CCDC13: variants seen among roughly 807,000 people sequenced by gnomAD.
CCDC13 encodes the protein coiled-coil domain-containing protein 13.
CCDC13 carries 70 observed loss-of-function variants against 87.3 expected under a neutral mutation model. The ratio of observed to expected loss-of-function variants is 0.80; its 90% CI spans 0.66 to 0.98. The LOEUF (loss-of-function observed/expected upper bound fraction) is 0.98, where lower values mean the gene tolerates loss of function less well. Among genes scored for constraint, CCDC13 ranks in the 50% least tolerant of loss-of-function variants. The probability of loss-of-function intolerance (pLI) is 0.00; values close to 1 mark genes in which losing one functional copy is unlikely to be tolerated. For synonymous variants in CCDC13, 317 were observed against 360.3 expected (o/e 0.88, Z 1.36); for missense variants, 842 against 892.0 (o/e 0.94, Z 0.71).
intron 9 of CCDC13, among the ~76,000 whole-genome samples, chr3:42,738,463 T>C (rs1378127786): frequency 6.6e-6 from 1 of 152,242 alleles, no homozygotes; most frequent in African/African-American, 2.4e-5. Context: ...CATTGGTAGC[T>C]TGATGGGGAT....
At chr3:42,746,353 C>T (rs1361431747) in intron 6 of CCDC13, 4 of 291,838 alleles carry the variant, frequency 1.4e-5, no homozygotes, top group African/African-American at 8.5e-5. Context: ...TTCCTTAACC[C>T]ACTCACCTGT....
intron 3 of CCDC13, among the ~76,000 whole-genome samples, chr3:42,755,789 A>AGGGG (rs1559659451): frequency 6.6e-6 from 1 of 152,144 alleles, no homozygotes; most frequent in African/African-American, 2.4e-5. Context: ...CTTGCAAGAG[A>AGGGG]CAGTTAACAA....
intron 12 of CCDC13, among the ~76,000 whole-genome samples, chr3:42,730,819 C>T (rs942026704): frequency 3.9e-5 from 6 of 152,168 alleles, no homozygotes; most frequent in African/African-American, 1.4e-4. Context: ...ACTAGAGTTA[C>T]ACTGGTACCT....
chr3:42,771,370 T>G (rs530068686), intron 1 of CCDC13, among the ~76,000 whole-genome samples: 53 of 151,432 alleles, frequency 3.5e-4, no homozygotes, highest in Middle Eastern at 6.9e-3. Flanking sequence ...GCCTAGGGGG[T>G]TTTTGGGGAG....
In CCDC13 at chr3:42,705,803, T is replaced by A. The variant is rs986639830; in HGVS notation, c.*3177A>T. 5.3e-5 allele frequency among the ~76,000 whole-genome samples: 8 copies of A among 152,166 alleles called. No individual in the cohort carries two copies. Among genetic ancestry groups the A allele is most frequent in the Non-Finnish European group, 1.2e-4 (8 of 68,030 alleles). ...TGCACCTGGCCCACCTAAGTTAGGT[T>A]TCTCAGGGTCCCTATCTTTGACCCC... On this transcript the variant is annotated 3_prime_UTR_variant, in exon 16 of 16. Coordinates refer to ENST00000310232, the MANE Select transcript of CCDC13 (RefSeq NM_144719.4).
Position 42,706,389 on chromosome 3 carries a change from G to C in CCDC13, c.*2591C>G, listed in dbSNP as rs1437690382. On this transcript the variant is annotated 3_prime_UTR_variant, in exon 16 of 16. Transcript: ENST00000310232. Reference sequence around the variant, plus strand: ...ATTAAGCGCTTACTGTGTGCGAGCAGCTGCTGTAAGCAATGGACACTTTAT... The same window carrying C: ...ATTAAGCGCTTACTGTGTGCGAGCACCTGCTGTAAGCAATGGACACTTTAT... 1 of 152,272 alleles carries C rather than the reference G, an allele frequency of 6.6e-6. No homozygotes were observed. The highest frequency in any genetic ancestry group is 2.4e-5 in the African/African-American group (1 of 41,472). The allele number at this position is 152,272 out of a possible 1,614,324, so 9.4% of individuals were successfully genotyped here.
chr3:42,765,410 TTTTTA>T (rs1172673545), intron 1 of CCDC13, among the ~76,000 whole-genome samples: 14 of 152,152 alleles, frequency 9.2e-5, no homozygotes, highest in Admixed American at 3.3e-4. Context: ...TCTATTTTTA[TTTTTA>T]TTTTTTTGAG....
At chr3:42,726,131 G>A (rs746714749) in intron 13 of CCDC13, among the ~76,000 whole-genome samples, 3 of 152,018 alleles carry the variant, frequency 2.0e-5, no homozygotes, top group Non-Finnish European at 4.4e-5. Flanking sequence ...TGCAACCTCC[G>A]CCTCCCAGGT....
At chr3:42,735,165 G>A (rs902143494) in intron 10 of CCDC13, among the ~76,000 whole-genome samples, 4 of 152,218 alleles carry the variant, frequency 2.6e-5, no homozygotes, top group African/African-American at 9.6e-5. Flanking sequence ...AGGGGCAGCC[G>A]GCCAGACCGA....
chr3:42,708,904 G>T lies in CCDC13; in HGVS notation c.*76C>A. On this transcript the variant is annotated 3_prime_UTR_variant, in exon 16 of 16. Coordinates refer to ENST00000310232, the MANE Select transcript of CCDC13 (RefSeq NM_144719.4). ...CCTGGGCTGGCTTCCCGGAGCAGAT[G>T]GAGTCCTCAGACAGAGTCTTATCCT... 1 of 1,451,028 alleles carries T rather than the reference G, an allele frequency of 6.9e-7. No homozygotes were observed. The highest frequency in any genetic ancestry group is 9.2e-7 in the Non-Finnish European group (1 of 1,091,034). 89.9% of individuals were successfully genotyped at this position (1,451,028 alleles called of 1,614,324 possible).
downstream of CCDC13, among the ~76,000 whole-genome samples, chr3:42,705,410 C>T (rs1307581691): frequency 3.3e-5 from 5 of 152,168 alleles, no homozygotes; most frequent in Admixed American, 3.3e-4. Flanking sequence ...CTGTGGTGCC[C>T]CAGAGGCCCC....
At chr3:42,742,463 TAG>T (rs1275609708) in intron 8 of CCDC13, among the ~76,000 whole-genome samples, 1 of 152,090 alleles carries the variant, frequency 6.6e-6, no homozygotes, top group Non-Finnish European at 1.5e-5. Context: ...TTAAACCTGG[TAG>T]AGTTAGAGTT....
intron 1 of CCDC13, among the ~76,000 whole-genome samples, chr3:42,772,709 G>C (rs1163257270): frequency 6.6e-6 from 1 of 152,138 alleles, no homozygotes; most frequent in Non-Finnish European, 1.5e-5. Flanking sequence ...TGGACTCCGG[G>C]CTTGGAGGGG....
At chr3:42,735,340 T>C (rs1270212402) in intron 10 of CCDC13, among the ~76,000 whole-genome samples, 1 of 152,132 alleles carries the variant, frequency 6.6e-6, no homozygotes, top group Non-Finnish European at 1.5e-5. Flanking sequence ...ACATGGTGCC[T>C]AGAAGCTGAA....
At chr3:42,748,923 T>G (rs1443208915) in intron 5 of CCDC13, among the ~76,000 whole-genome samples, 1 of 152,028 alleles carries the variant, frequency 6.6e-6, no homozygotes, top group Admixed American at 6.6e-5. Flanking sequence ...GCCTGGCTAA[T>G]TTTTGTATAT....
Position 42,730,563 on chromosome 3 carries a change from C to A in CCDC13, c.1622G>T (p.Gly541Val), listed in dbSNP as rs749410782. 6.2e-7 allele frequency: 1 copy of A among 1,614,136 alleles called. No homozygotes were observed. The highest frequency in any genetic ancestry group is 2.2e-5 in the East Asian group (1 of 44,882). ...GATCTCTGACACTTGTGCCTGCCAG[C>A]CTTTTTGTTCTGGGGAGTCCGAGAA... is the stretch of plus-strand genomic sequence containing the variant. ...PRFSDSPEQK[G>V]WQAQVSEIKA... The change falls in exon 13 of 16, where the codon GGC becomes GTC. Residue 541 changes from glycine (G) to valine (V), a missense_variant. Physicochemically the swap from Gly to Val is moderately radical, Grantham distance 109. Transcript: ENST00000310232.
At chr3:42,725,831 T>G (rs1210817810) in intron 13 of CCDC13, among the ~76,000 whole-genome samples, 1 of 151,698 alleles carries the variant, frequency 6.6e-6, no homozygotes, top group Non-Finnish European at 1.5e-5. Context: ...AAAGCCCCAC[T>G]GAAGATAAGC....
At chr3:42,705,145 A>T (rs146391832), downstream of CCDC13, among the ~76,000 whole-genome samples, 177 of 152,278 alleles carry the variant, frequency 1.2e-3, no homozygotes, top group East Asian at 0.012. Context: ...AGGCTCACAG[A>T]TATAGGAGAG....
chr3:42,747,374 C>A lies in CCDC13; in HGVS notation c.604-1G>T. 6.2e-7 allele frequency: 1 copy of A among 1,609,738 alleles called. No individual in the cohort carries two copies. On this transcript the variant is annotated splice_acceptor_variant, in intron 5 of 15. Coordinates refer to ENST00000310232, the MANE Select transcript of CCDC13 (RefSeq NM_144719.4). LOFTEE classifies it high-confidence loss of function. ...GGGCCTTCACCTCTGGGGTCTCCAGCTGGTTGGGAAGGACAGGAGAGAAAG... is the reference window on the plus strand; with the variant it reads ...GGGCCTTCACCTCTGGGGTCTCCAGATGGTTGGGAAGGACAGGAGAGAAAG...
Sources: gnomAD v4.1 joint callset for allele counts (sites outside exome capture counted in the v4.1 genomes callset) on GRCh38, gnomAD v4.1.1 for gene constraint, MANE v1.5 for transcripts, NCBI Gene and HGNC (gene_info 2026-07-23, HGNC 2026-07-21) for gene names.